LARGE1: variants seen among roughly 807,000 people sequenced by gnomAD.
The protein encoded by LARGE1 is xylosyl- and glucuronyltransferase LARGE1.
Under a neutral mutation model 87.6 loss-of-function variants are expected in LARGE1, and 43 were observed. That is an observed-to-expected ratio of 0.49 (90% CI 0.38 to 0.63). The LOEUF (loss-of-function observed/expected upper bound fraction) is 0.63. Among genes scored for constraint, LARGE1 ranks in the 30% least tolerant of loss-of-function variants. LARGE1 has a pLI of 0.00. For missense variants in LARGE1, 802 were observed against 1,000.2 expected, an observed-to-expected ratio of 0.80 and a Z score of 2.67; for synonymous variants, 434 against 394.6, an observed-to-expected ratio of 1.10 and a Z score of -1.18.
chr22:33,594,900 C>T (rs1009063963), intron 5 of LARGE1, among the ~76,000 whole-genome samples: 1 of 152,186 alleles, frequency 6.6e-6, no homozygotes, highest in African/African-American at 2.4e-5. Flanking sequence ...AGCCACCATA[C>T]CCCGCTGAAG....
Position 33,845,720 on chromosome 22 carries a change from G to C in LARGE1, c.-83+74275C>G, listed in dbSNP as rs779691311. 6.1e-4 allele frequency among the ~76,000 whole-genome samples: 93 copies of C among 152,116 alleles called. 1 individual carries two copies. The highest frequency in any genetic ancestry group is 1.3e-4 in the Non-Finnish European group (9 of 68,008). On this transcript the variant is annotated intron_variant, in intron 1 of 14. Coordinates refer to ENST00000397394, the MANE Select transcript of LARGE1 (RefSeq NM_133642.5). ...ATGTTAAAAACATTAAAACAAGAGA[G>C]TCCCTATGTACCTATGACCCAATAT...
intron 14 of LARGE1, among the ~76,000 whole-genome samples, chr22:33,275,681 T>C (rs1929116563): frequency 1.3e-5 from 2 of 152,094 alleles, no homozygotes; most frequent in Admixed American, 6.6e-5. Flanking sequence ...TGGAAAAGGT[T>C]AAGAGTATGT....
intron 10 of LARGE1, among the ~76,000 whole-genome samples, chr22:33,325,678 A>G (rs373522543): frequency 0.013 from 2,010 of 151,958 alleles, 46 homozygotes; most frequent in African/African-American, 0.046. Context: ...GGACCAATTA[A>G]GGAGTCTGGG....
intron 2 of LARGE1, chr22:33,750,898 T>C (rs571449865): frequency 3.9e-5 from 6 of 152,210 alleles, no homozygotes; most frequent in East Asian, 3.8e-4. Flanking sequence ...TGTCATTACA[T>C]AGAAGTGTTA....
the LARGE1 span, among the ~76,000 whole-genome samples, chr22:33,088,061 C>T: frequency 1.3e-5 from 2 of 152,062 alleles, 1 homozygote; most frequent in Admixed American, 1.3e-4. Flanking sequence ...AACACACACA[C>T]ACACACAAAC....
intron 2 of LARGE1, among the ~76,000 whole-genome samples, chr22:33,652,208 AACTGAGGC>A (rs2080839876): frequency 6.6e-6 from 1 of 151,932 alleles, no homozygotes; most frequent in South Asian, 2.1e-4. Context: ...CAACACAAAA[AACTGAGGC>A]ACAGAGACGA....
chr22:33,805,054 C>T (rs1386763213), intron 1 of LARGE1, among the ~76,000 whole-genome samples: 9 of 152,160 alleles, frequency 5.9e-5, no homozygotes, highest in Admixed American at 5.9e-4. Context: ...GCAATCTTCC[C>T]AGTTAGAATA....
intron 11 of LARGE1, among the ~76,000 whole-genome samples, chr22:33,233,127 G>A (rs1328480625): frequency 6.6e-6 from 1 of 152,200 alleles, no homozygotes; most frequent in Non-Finnish European, 1.5e-5. Flanking sequence ...TTCTAAAGCA[G>A]GTACAGACAT....
intron 2 of LARGE1, among the ~76,000 whole-genome samples, chr22:33,710,989 A>G (rs2082714696): frequency 6.6e-6 from 1 of 152,180 alleles, no homozygotes; most frequent in African/African-American, 2.4e-5. Context: ...TTTACGTAAG[A>G]AATCATTCGC....
At chr22:33,863,545 C>T (rs1004562258) in intron 1 of LARGE1, among the ~76,000 whole-genome samples, 1 of 150,406 alleles carries the variant, frequency 6.6e-6, no homozygotes, top group African/African-American at 2.5e-5. Flanking sequence ...ATCACAAGGT[C>T]AGGAGTTCGA....
At chr22:33,765,231 T>A (rs1334478221) in intron 1 of LARGE1, among the ~76,000 whole-genome samples, 1 of 152,148 alleles carries the variant, frequency 6.6e-6, no homozygotes, top group Non-Finnish European at 1.5e-5. Context: ...CAAAAACACC[T>A]CAGGCTCTGC....
At chr22:33,152,884 G>C in the LARGE1 span, among the ~76,000 whole-genome samples, 1 of 151,986 alleles carries the variant, frequency 6.6e-6, no homozygotes, top group South Asian at 2.1e-4. Context: ...TTTTATCTCT[G>C]CTTCAATTTA....
intron 1 of LARGE1, among the ~76,000 whole-genome samples, chr22:33,833,740 T>A (rs1439733066): frequency 1.3e-5 from 2 of 152,144 alleles, no homozygotes; most frequent in Admixed American, 1.3e-4. Flanking sequence ...CAGGCTGGAG[T>A]GCAATGGCGT....
At chr22:33,521,088 C>T (rs1448965663) in intron 6 of LARGE1, among the ~76,000 whole-genome samples, 1 of 152,156 alleles carries the variant, frequency 6.6e-6, no homozygotes, top group East Asian at 1.9e-4. Context: ...ATGAGATGTC[C>T]CACTGGCTGG....
At chr22:33,549,801 T>C (rs1160216142) in intron 6 of LARGE1, among the ~76,000 whole-genome samples, 2 of 152,160 alleles carry the variant, frequency 1.3e-5, no homozygotes, top group East Asian at 3.9e-4. Flanking sequence ...AGTGTTCTCA[T>C]TGTTTAGTTC....
At chr22:33,652,621 C>A (rs1381794115) in intron 2 of LARGE1, among the ~76,000 whole-genome samples, 2 of 152,110 alleles carry the variant, frequency 1.3e-5, no homozygotes. Flanking sequence ...GTCAAAAAAA[C>A]ATTCCTCTTT....
chr22:33,515,944 C>T (rs977994131), intron 6 of LARGE1, among the ~76,000 whole-genome samples: 1 of 152,192 alleles, frequency 6.6e-6, no homozygotes, highest in Non-Finnish European at 1.5e-5. Flanking sequence ...CAGCCTGGCA[C>T]CTTGCCAGCT....
At chr22:33,524,181 C>T (rs756428708) in intron 6 of LARGE1, among the ~76,000 whole-genome samples, 22 of 151,820 alleles carry the variant, frequency 1.4e-4, no homozygotes, top group Non-Finnish European at 3.1e-4. Flanking sequence ...ATCCCAGCTA[C>T]TCAGGAGGCT....
At chr22:33,074,444 G>A in the LARGE1 span, among the ~76,000 whole-genome samples, 1 of 152,192 alleles carries the variant, frequency 6.6e-6, no homozygotes, top group Non-Finnish European at 1.5e-5. Flanking sequence ...GGAGGCCGAG[G>A]TGGGCAGACC....
Sources: allele counts gnomAD v4.1 joint callset (sites outside exome capture counted in the v4.1 genomes callset), GRCh38; gene constraint gnomAD v4.1.1; transcripts MANE v1.5; gene names NCBI Gene and HGNC (gene_info 2026-07-23, HGNC 2026-07-21).